Variants in GLTP observed in about 807,000 individuals in gnomAD.
GLTP encodes the protein glycolipid transfer protein.
In GLTP, 22 loss-of-function variants were observed where a neutral mutation model predicts 24.0. The ratio of observed to expected loss-of-function variants is 0.92; its 90% CI spans 0.65 to 1.31. The LOEUF is 1.31. Ranked by LOEUF, GLTP falls within the 50% of genes most tolerant of loss-of-function variation. The pLI, the probability that GLTP is intolerant of heterozygous loss-of-function variation, is 0.00. For missense variants in GLTP, 224 were observed against 276.6 expected, an observed-to-expected ratio of 0.81 and a Z score of 1.35; for synonymous variants, 92 against 115.9, an observed-to-expected ratio of 0.79 and a Z score of 1.33.
At chr12:109,872,378 C>T (rs970963198) in intron 1 of GLTP, among the ~76,000 whole-genome samples, 3 of 152,180 alleles carry the variant, frequency 2.0e-5, no homozygotes, top group Admixed American at 1.3e-4. Context: ...CTCAGGCTGG[C>T]TCAGATGGAT....
chr12:109,854,136 T>C (rs952452563), intron 4 of GLTP, among the ~76,000 whole-genome samples: 5 of 151,800 alleles, frequency 3.3e-5, no homozygotes, highest in Non-Finnish European at 7.4e-5. Flanking sequence ...GGTGGGAGGA[T>C]TGCTTTGAGC....
At chr12:109,879,293 C>T (rs1216867265) in intron 1 of GLTP, among the ~76,000 whole-genome samples, 1 of 152,172 alleles carries the variant, frequency 6.6e-6, no homozygotes, top group Non-Finnish European at 1.5e-5. Flanking sequence ...ACAGAGCCCA[C>T]ATGGAGAAGG....
chr12:109,871,249 A>T (rs1000529423), intron 1 of GLTP, among the ~76,000 whole-genome samples: 1 of 150,180 alleles, frequency 6.7e-6, no homozygotes. Flanking sequence ...CACCTGGCCA[A>T]TTTTTTTTTG....
intron 1 of GLTP, among the ~76,000 whole-genome samples, chr12:109,863,947 T>C (rs1380378268): frequency 6.6e-6 from 1 of 152,204 alleles, no homozygotes; most frequent in Non-Finnish European, 1.5e-5. Flanking sequence ...GCAGCATCCT[T>C]GTGCAGTTCT....
intron 4 of GLTP, among the ~76,000 whole-genome samples, chr12:109,854,240 G>A (rs1053759324): frequency 6.6e-6 from 1 of 151,550 alleles, no homozygotes; most frequent in Admixed American, 6.6e-5. Context: ...CGCACCTGTA[G>A]TCCCAGCTAC....
chr12:109,864,580 C>A (rs1868465106), intron 1 of GLTP, among the ~76,000 whole-genome samples: 1 of 152,196 alleles, frequency 6.6e-6, no homozygotes, highest in Admixed American at 6.5e-5. Context: ...GCCTTTGGTG[C>A]AGTCCAAGGA....
chr12:109,874,510 G>A (rs73417557), intron 1 of GLTP, among the ~76,000 whole-genome samples: 2,092 of 152,154 alleles, frequency 0.014, 47 homozygotes, highest in African/African-American at 0.048. Flanking sequence ...CTCAAGAACC[G>A]AGAGGTAATG....
At chr12:109,876,223 A>C in intron 1 of GLTP, among the ~76,000 whole-genome samples, 1 of 152,162 alleles carries the variant, frequency 6.6e-6, no homozygotes, top group East Asian at 1.9e-4. Flanking sequence ...TGTGCCTGTA[A>C]TCCCAGCTAC....
chr12:109,862,784 G>A (rs1162430742), intron 1 of GLTP, among the ~76,000 whole-genome samples: 1 of 151,848 alleles, frequency 6.6e-6, no homozygotes, highest in Non-Finnish European at 1.5e-5. Context: ...AGGCGCAGTG[G>A]CTCACGCCTA....
Position 109,855,383 on chromosome 12 carries a change from A to G in GLTP, c.447+236T>C, listed in dbSNP as rs1373974605. Among the ~76,000 whole-genome samples, 1 of 152,114 alleles carries G rather than the reference A, an allele frequency of 6.6e-6. No homozygotes were observed. Among genetic ancestry groups the G allele is most frequent in the Non-Finnish European group, 1.5e-5 (1 of 68,016 alleles). Reference sequence around the variant, plus strand: ...CTTGCAGGCCAAGGCCCCTAAAGAGAAACACCGTGGAGTAGCTACAGTGAC... The same window carrying G: ...CTTGCAGGCCAAGGCCCCTAAAGAGGAACACCGTGGAGTAGCTACAGTGAC... On this transcript the variant is annotated intron_variant, in intron 4 of 4. Coordinates refer to ENST00000318348, the MANE Select transcript of GLTP (RefSeq NM_016433.4). This position sits in a 1 kb window ranked among gnomAD's most constrained non-coding sequence, Gnocchi z 4.1.
intron 1 of GLTP, among the ~76,000 whole-genome samples, chr12:109,862,960 G>A (rs187119353): frequency 6.6e-6 from 1 of 152,128 alleles, no homozygotes; most frequent in Non-Finnish European, 1.5e-5. Context: ...GCTGAGCCAG[G>A]AGAATCACTT....
Position 109,852,561 on chromosome 12 carries a change from CTTGTA to C in GLTP, c.619_623del (p.Tyr207GlyfsTer26). 6.2e-7 allele frequency: 1 copy of C among 1,604,352 alleles called. No individual in the cohort carries two copies. On this transcript the variant is annotated frameshift_variant, in exon 5 of 5. Transcript: ENST00000318348. LOFTEE classifies it high-confidence loss of function. ...TGTCCAGCAGTGGGCATGCCTACACCTTGTAGTTAAGCTCAGCGTTCATCTGGGTG... is the reference window on the plus strand; with the variant it reads ...TGTCCAGCAGTGGGCATGCCTACACCGTTAAGCTCAGCGTTCATCTGGGTG...
chr12:109,857,971 G>C lies in GLTP; in HGVS notation c.163-312C>G. 6.8e-6 allele frequency: 3 copies of C among 444,088 alleles called. No individual in the cohort carries two copies. Among genetic ancestry groups the C allele is most frequent in the Non-Finnish European group, 1.3e-5 (3 of 233,948 alleles). The allele number at this position is 444,088 out of a possible 1,614,324, so 27.5% of individuals were successfully genotyped here. A position where few individuals can be genotyped will look rare whatever the true frequency, so the allele number is the denominator to read the frequency against. On this transcript the variant is annotated intron_variant, in intron 2 of 4. Coordinates refer to ENST00000318348, the MANE Select transcript of GLTP (RefSeq NM_016433.4). The surrounding 1 kb of genome is among the most constrained non-coding windows in gnomAD (Gnocchi z 4.3). ...CCCAAGGTCACACAGTTGGTACAGAGTTCATGTTCTCCAGCCACTACTGAC... is the reference window on the plus strand; with the variant it reads ...CCCAAGGTCACACAGTTGGTACAGACTTCATGTTCTCCAGCCACTACTGAC...
intron 1 of GLTP, among the ~76,000 whole-genome samples, chr12:109,878,215 T>C (rs1423712762): frequency 4.6e-5 from 7 of 152,040 alleles, no homozygotes; most frequent in Non-Finnish European, 8.8e-5. Flanking sequence ...AGCCAGATAA[T>C]TGCATCAAAT....
At chr12:109,878,724 T>C (rs1868962087) in intron 1 of GLTP, among the ~76,000 whole-genome samples, 1 of 149,148 alleles carries the variant, frequency 6.7e-6, no homozygotes, top group South Asian at 2.1e-4. Context: ...GTGACACTGA[T>C]AATAAGAAAG....
At chr12:109,877,442 G>A (rs1247250481) in intron 1 of GLTP, among the ~76,000 whole-genome samples, 4 of 152,058 alleles carry the variant, frequency 2.6e-5, no homozygotes, top group Non-Finnish European at 5.9e-5. Context: ...TTTATATCTA[G>A]AGCTATGGTT....
chr12:109,879,946 A>G (rs1869016623), intron 1 of GLTP, among the ~76,000 whole-genome samples: 1 of 151,762 alleles, frequency 6.6e-6, no homozygotes, highest in African/African-American at 2.4e-5. Flanking sequence ...GGATTACAGA[A>G]TGCCTAAGGG....
At chr12:109,854,912 C>T (rs564808125) in intron 4 of GLTP, among the ~76,000 whole-genome samples, 2 of 152,350 alleles carry the variant, frequency 1.3e-5, no homozygotes, top group African/African-American at 2.4e-5. Flanking sequence ...GTACAGGGCC[C>T]GTCAGCCCCT....
intron 1 of GLTP, among the ~76,000 whole-genome samples, chr12:109,871,442 A>G (rs1018627308): frequency 1.3e-5 from 2 of 151,992 alleles, no homozygotes; most frequent in African/African-American, 4.8e-5. Flanking sequence ...GCCAGCCGGG[A>G]ACTTCCTATC....
Sources: allele counts gnomAD v4.1 joint callset (sites outside exome capture counted in the v4.1 genomes callset), GRCh38; gene constraint gnomAD v4.1.1; non-coding constraint Gnocchi (gnomAD v3.1); transcripts MANE v1.5; gene names NCBI Gene and HGNC (gene_info 2026-07-23, HGNC 2026-07-21).